The following GRIP1 variants were observed in gnomAD, a reference collection of about 807,000 sequenced individuals.
GRIP1 encodes glutamate receptor-interacting protein 1.
GRIP1 carries 45 observed loss-of-function variants against 129.9 expected under a neutral mutation model. The ratio of observed to expected loss-of-function variants is 0.35; its 90% CI spans 0.27 to 0.44. The LOEUF is 0.44. Ranked by LOEUF, GRIP1 falls within the 20% of genes least tolerant of loss-of-function variation. GRIP1 has a pLI of 1.00. For synonymous variants in GRIP1, 530 were observed against 520.8 expected, an observed-to-expected ratio of 1.02 and a Z score of -0.24; for missense variants, 1,196 against 1,396.8, an observed-to-expected ratio of 0.86 and a Z score of 2.29.
chr12:66,577,444 A>T (rs1335435205), intron 2 of GRIP1, among the ~76,000 whole-genome samples: 1 of 152,220 alleles, frequency 6.6e-6, no homozygotes, highest in Non-Finnish European at 1.5e-5. Context: ...ATGCACGCAC[A>T]TATTTTTTTA....
chr12:66,567,554 C>T (rs1204318609), intron 2 of GRIP1: 1 of 154,132 alleles, frequency 6.5e-6, no homozygotes, highest in Non-Finnish European at 1.5e-5. Flanking sequence ...CTGAATGTCT[C>T]TGATTTTTAA....
chr12:66,559,666 T>C (rs1555206584), intron 2 of GRIP1, among the ~76,000 whole-genome samples: 2 of 152,044 alleles, frequency 1.3e-5, no homozygotes, highest in Non-Finnish European at 2.9e-5. Context: ...TGAAAGAAAT[T>C]GAAGAGGACA....
At chr12:67,030,044 C>CAA (rs11330637) in intron 1 of GRIP1, among the ~76,000 whole-genome samples, 6 of 133,010 alleles carry the variant, frequency 4.5e-5, no homozygotes, top group African/African-American at 1.7e-4. Context: ...ACTAAAAATA[C>CAA]AAAAAAAAAA....
Position 66,379,343 on chromosome 12 carries a change from C to T in GRIP1, c.2558G>A (p.Arg853Gln), listed in dbSNP as rs760273176. The change falls in exon 20 of 25, where the codon CGA (arginine) becomes CAA (glutamine). Residue 853 changes from arginine (R) to glutamine (Q), a missense_variant. Coordinates refer to ENST00000359742, the MANE Select transcript of GRIP1 (RefSeq NM_001366722.1). ...RGSLSPVTKP[R>Q]SQTYPDVGLS... ...CCCCACATCTGGGTAAGTCTGGCTT[C>T]GAGGCTTAGTGACTGGGGACAAGCT... 127 of 1,613,896 alleles carry T rather than the reference C, an allele frequency of 7.9e-5. No homozygotes were observed. The highest frequency in any genetic ancestry group is 9.8e-5 in the Non-Finnish European group (116 of 1,179,918).
intron 19 of GRIP1, among the ~76,000 whole-genome samples, chr12:66,385,716 TCTC>T (rs2056330265): frequency 1.3e-5 from 2 of 152,044 alleles, no homozygotes; most frequent in South Asian, 4.2e-4. Context: ...TTCAAGCAAT[TCTC>T]CTGCCTCAGC....
chr12:66,921,786 C>A (rs928148169), intron 1 of GRIP1, among the ~76,000 whole-genome samples: 1 of 152,192 alleles, frequency 6.6e-6, no homozygotes, highest in African/African-American at 2.4e-5. Context: ...AGAATCAGTT[C>A]TATAGATCTA....
chr12:66,814,589 T>TAAAAAAAA (rs79461500), intron 1 of GRIP1, among the ~76,000 whole-genome samples: 10 of 108,422 alleles, frequency 9.2e-5, no homozygotes, highest in Non-Finnish European at 7.7e-5. Flanking sequence ...AGTGATACCA[T>TAAAAAAAA]AAAAAAAAAA....
At chr12:66,986,638 C>A (rs536400852) in intron 1 of GRIP1, among the ~76,000 whole-genome samples, 1 of 135,788 alleles carries the variant, frequency 7.4e-6, no homozygotes, top group Non-Finnish European at 1.5e-5. Flanking sequence ...TGAGAACACA[C>A]GGACACAGGA....
intron 14 of GRIP1, among the ~76,000 whole-genome samples, chr12:66,423,466 A>C (rs193206778): frequency 1.2e-4 from 19 of 152,182 alleles, no homozygotes; most frequent in African/African-American, 4.6e-4. Context: ...GGCTGATCTC[A>C]CTCACTGAGT....
At chr12:66,844,474 C>T (rs886432850) in intron 1 of GRIP1, among the ~76,000 whole-genome samples, 2 of 151,996 alleles carry the variant, frequency 1.3e-5, no homozygotes, top group African/African-American at 2.4e-5. Context: ...GTGTTGCTGA[C>T]GATGTGGAGA....
intron 7 of GRIP1, among the ~76,000 whole-genome samples, chr12:66,496,996 A>G (rs10878439): frequency 0.11 from 16,469 of 152,266 alleles, 1,032 homozygotes; most frequent in African/African-American, 0.16. Context: ...CTACCTTTGG[A>G]GTTCTTCAGG....
chr12:66,472,781 G>C (rs150513509), intron 7 of GRIP1, among the ~76,000 whole-genome samples: 1 of 152,190 alleles, frequency 6.6e-6, no homozygotes, highest in African/African-American at 2.4e-5. Flanking sequence ...GTGAGGAATG[G>C]TGCACACTAG....
chr12:66,456,129 A>T, intron 10 of GRIP1, 58 bp downstream of exon 10: 1 of 1,040,250 alleles, frequency 9.6e-7, no homozygotes, highest in African/African-American at 1.6e-5. Flanking sequence ...AGAAAAGGAG[A>T]GTGTGAGAAA....
intron 1 of GRIP1, among the ~76,000 whole-genome samples, chr12:66,706,977 C>CT (rs71069015): frequency 1.3e-3 from 198 of 148,328 alleles, no homozygotes; most frequent in African/African-American, 3.9e-3. Context: ...CCATGTATCC[C>CT]TTTTTTTTTT....
At chr12:67,053,999 A>G (rs945843665) in intron 1 of GRIP1, among the ~76,000 whole-genome samples, 1 of 152,244 alleles carries the variant, frequency 6.6e-6, no homozygotes, top group African/African-American at 2.4e-5. Context: ...GTGGTGAAAG[A>G]GAAATTCACT....
chr12:66,733,908 G>A (rs536575630), intron 1 of GRIP1, among the ~76,000 whole-genome samples: 1 of 152,146 alleles, frequency 6.6e-6, no homozygotes, highest in Non-Finnish European at 1.5e-5. Flanking sequence ...ACATTTCAGA[G>A]GTAAGTGTGC....
intron 1 of GRIP1, among the ~76,000 whole-genome samples, chr12:66,752,385 AAC>A (rs2037155639): frequency 6.6e-6 from 1 of 152,180 alleles, no homozygotes; most frequent in Non-Finnish European, 1.5e-5. Context: ...AGCATAAAAT[AAC>A]ATTTAGTTTT....
intron 16 of GRIP1, among the ~76,000 whole-genome samples, chr12:66,400,101 T>C (rs576181676): frequency 6.6e-6 from 1 of 152,020 alleles, no homozygotes; most frequent in African/African-American, 2.4e-5. Context: ...GTTCTAGGAC[T>C]AGCAGTTTTG....
chr12:66,708,707 A>G (rs1275865299), intron 1 of GRIP1, among the ~76,000 whole-genome samples: 1 of 151,864 alleles, frequency 6.6e-6, no homozygotes, highest in African/African-American at 2.4e-5. Flanking sequence ...TCTGGGGTAC[A>G]TGTGCAGAAT....
Sources: allele counts gnomAD v4.1 joint callset (sites outside exome capture counted in the v4.1 genomes callset), GRCh38; gene constraint gnomAD v4.1.1; transcripts MANE v1.5; gene names NCBI Gene and HGNC (gene_info 2026-07-23, HGNC 2026-07-21).